Variants in LARGE1 observed in about 807,000 individuals in gnomAD.
LARGE1 encodes xylosyl- and glucuronyltransferase LARGE1.
Under a neutral mutation model 87.6 loss-of-function variants are expected in LARGE1, and 43 were observed. That is an observed-to-expected ratio of 0.49 (90% CI 0.38 to 0.63). The LOEUF is 0.63. Among genes scored for constraint, LARGE1 ranks in the 30% least tolerant of loss-of-function variants. LARGE1 has a pLI of 0.00. For missense variants in LARGE1, 802 were observed against 1,000.2 expected (o/e 0.80, Z 2.67); for synonymous variants, 434 against 394.6 (o/e 1.10, Z -1.18).
intron 11 of LARGE1, among the ~76,000 whole-genome samples, chr22:33,239,400 C>T (rs955045335): frequency 5.9e-5 from 9 of 152,082 alleles, no homozygotes; most frequent in South Asian, 2.1e-4. Context: ...TGAAACCAAA[C>T]GGGTGTGAAA....
intron 11 of LARGE1, among the ~76,000 whole-genome samples, chr22:33,313,555 A>T (rs903637534): frequency 6.6e-6 from 1 of 152,092 alleles, no homozygotes; most frequent in African/African-American, 2.4e-5. Flanking sequence ...TGATCATGTG[A>T]TGTTATAGAA....
intron 1 of LARGE1, among the ~76,000 whole-genome samples, chr22:33,893,249 CA>C (rs2065050382): frequency 6.6e-6 from 1 of 152,150 alleles, no homozygotes; most frequent in Non-Finnish European, 1.5e-5. Flanking sequence ...GTAGGTAAAA[CA>C]AAATGTATCC....
chr22:33,673,605 T>C (rs1268181582), intron 2 of LARGE1, among the ~76,000 whole-genome samples: 1 of 152,234 alleles, frequency 6.6e-6, no homozygotes, highest in East Asian at 1.9e-4. Context: ...ACATTTACAC[T>C]GCTGTGCAGC....
At chr22:33,387,131 C>A (rs990792822) in intron 7 of LARGE1, among the ~76,000 whole-genome samples, 1 of 135,470 alleles carries the variant, frequency 7.4e-6, no homozygotes. Flanking sequence ...AAACAAAAAA[C>A]AAAAAAAGGG....
chr22:33,238,858 T>C (rs1042411853), intron 11 of LARGE1, among the ~76,000 whole-genome samples: 2 of 152,136 alleles, frequency 1.3e-5, no homozygotes, highest in African/African-American at 4.8e-5. Flanking sequence ...CTTAAATTCA[T>C]ATATTGAGAA....
At chr22:33,468,831 A>G (rs2413187) in intron 6 of LARGE1, among the ~76,000 whole-genome samples, 29,439 of 152,002 alleles carry the variant, frequency 0.19, 2,909 homozygotes, top group South Asian at 0.24. Flanking sequence ...CAAAAGTCTC[A>G]TGGAATCTCC....
intron 7 of LARGE1, among the ~76,000 whole-genome samples, chr22:33,392,470 T>C (rs10222310): frequency 6.6e-6 from 1 of 152,026 alleles, no homozygotes; most frequent in East Asian, 1.9e-4. Context: ...ACCAGCCTGG[T>C]CAATACGGCA....
intron 11 of LARGE1, among the ~76,000 whole-genome samples, chr22:33,308,385 G>T (rs1354793913): frequency 2.0e-5 from 3 of 152,178 alleles, no homozygotes; most frequent in Non-Finnish European, 4.4e-5. Context: ...GGTCAGACAG[G>T]CCTGGATTTG....
chr22:33,588,814 C>T (rs1036065005), intron 5 of LARGE1, among the ~76,000 whole-genome samples: 1 of 152,084 alleles, frequency 6.6e-6, no homozygotes, highest in Admixed American at 6.6e-5. Flanking sequence ...GAAACAAACC[C>T]CCACACACAG....
intron 6 of LARGE1, among the ~76,000 whole-genome samples, chr22:33,564,051 A>AG (rs749417985): frequency 6.6e-6 from 1 of 152,234 alleles, no homozygotes; most frequent in Non-Finnish European, 1.5e-5. Flanking sequence ...GAATGGCAGA[A>AG]GGGATTTTAA....
intron 11 of LARGE1, among the ~76,000 whole-genome samples, chr22:33,172,497 G>GCTTCCC (rs1208288280): frequency 2.0e-5 from 3 of 151,960 alleles, no homozygotes; most frequent in Non-Finnish European, 2.9e-5. Context: ...GAAGGTACTT[G>GCTTCCC]CTTCCCCTTC....
At chr22:33,356,809 G>C (rs1940937178) in intron 9 of LARGE1, among the ~76,000 whole-genome samples, 1 of 152,050 alleles carries the variant, frequency 6.6e-6, no homozygotes, top group African/African-American at 2.4e-5. Context: ...AAAGAGAAGA[G>C]AAAACAAAAG....
chr22:33,104,924 T>TC, the LARGE1 span, among the ~76,000 whole-genome samples: 2 of 134,830 alleles, frequency 1.5e-5, no homozygotes, highest in East Asian at 2.5e-4. Flanking sequence ...TCTTTCTTTC[T>TC]TTCTTTCTTT....
intron 1 of LARGE1, among the ~76,000 whole-genome samples, chr22:33,852,716 C>T (rs1373498535): frequency 3.3e-5 from 5 of 151,454 alleles, no homozygotes; most frequent in South Asian, 4.2e-4. Flanking sequence ...ATAAGCCGGG[C>T]GTGGCGGCGT....
intron 7 of LARGE1, among the ~76,000 whole-genome samples, chr22:33,411,590 A>G (rs1054742629): frequency 7.2e-5 from 11 of 152,244 alleles, no homozygotes; most frequent in Admixed American, 2.6e-4. Context: ...TAAAATATCC[A>G]TAACATTTAA....
chr22:33,211,898 C>T (rs1924983128), intron 11 of LARGE1, among the ~76,000 whole-genome samples: 2 of 152,218 alleles, frequency 1.3e-5, no homozygotes, highest in Non-Finnish European at 2.9e-5. Context: ...ATAACATTCC[C>T]TTAAACCAAA....
chr22:33,084,638 G>C, the LARGE1 span, among the ~76,000 whole-genome samples: 8 of 152,106 alleles, frequency 5.3e-5, no homozygotes, highest in Non-Finnish European at 1.2e-4. Context: ...CTGGGCAACA[G>C]AGTGAGACCT....
At chr22:33,619,085 C>T (rs2079663741) in intron 4 of LARGE1, among the ~76,000 whole-genome samples, 1 of 152,188 alleles carries the variant, frequency 6.6e-6, no homozygotes, top group South Asian at 2.1e-4. Flanking sequence ...TGTTTCATCA[C>T]TCAATAAAAC....
intron 1 of LARGE1, among the ~76,000 whole-genome samples, chr22:33,888,115 T>G (rs2064906712): frequency 6.6e-6 from 1 of 152,036 alleles, no homozygotes. Context: ...TGCACTTCAT[T>G]CTCTTTCTTC....
Sources: allele counts gnomAD v4.1 joint callset (sites outside exome capture counted in the v4.1 genomes callset), GRCh38; gene constraint gnomAD v4.1.1; transcripts MANE v1.5; gene names NCBI Gene and HGNC (gene_info 2026-07-23, HGNC 2026-07-21).